The following SCN1A variants were observed in gnomAD, a reference collection of about 807,000 sequenced individuals.
SCN1A encodes sodium channel protein type 1 subunit alpha.
Under a neutral mutation model 193.7 loss-of-function variants are expected in SCN1A, and 13 were observed. That is an observed-to-expected ratio of 0.07 (90% CI 0.04 to 0.11). SCN1A has a LOEUF of 0.11. SCN1A is among the 10% of genes least tolerant of loss of function. SCN1A has a pLI of 1.00. For missense variants in SCN1A, 1,432 were observed against 2,451.1 expected (o/e 0.58, Z 8.78); for synonymous variants, 781 against 843.6 (o/e 0.93, Z 1.29).
intron 2 of SCN1A, among the ~76,000 whole-genome samples, chr2:166,117,150 A>G (rs1437235827): frequency 6.6e-6 from 1 of 152,214 alleles, no homozygotes; most frequent in Non-Finnish European, 1.5e-5. Flanking sequence ...TGTCTTTTCA[A>G]TATCTGTTTG....
chr2:166,028,250 A>C (rs887629280), intron 19 of SCN1A, among the ~76,000 whole-genome samples: 20 of 152,204 alleles, frequency 1.3e-4, no homozygotes, highest in African/African-American at 4.8e-4. Flanking sequence ...GTAATACAAA[A>C]AAATTGGAAA....
chr2:166,037,655 C>CTTTT, intron 18 of SCN1A, 121 bp downstream of exon 18: 1 of 860,826 alleles, frequency 1.2e-6, no homozygotes, highest in South Asian at 1.6e-5. Context: ...AAATTATACT[C>CTTTT]TTTTTTTTTA....
At position 166,045,176 on chromosome 2, in the gene SCN1A, G is replaced by T. The variant is rs1225688046; in HGVS notation, c.1529C>A (p.Ser510Tyr). Residue 510 changes from serine (S) to tyrosine (Y), a missense_variant, in exon 13 of 29, where the codon TCT becomes TAT. Ser to Tyr is a moderately radical substitution (Grantham distance 144). Transcript: ENST00000674923. ...ATCCTCATCTTTCTCTTCCCCACCA[G>T]ACTGCTCTTTCTGTTTTCTTTTCTT... ...RRKKRKQKEQ[S>Y]GGEEKDEDEF... The T allele has an allele frequency of 6.2e-7, 1 of 1,614,036 alleles. No homozygotes were observed. The highest frequency in any genetic ancestry group is 1.1e-5 in the South Asian group (1 of 91,078).
rs957565748 is a variant in SCN1A at position 166,120,034 on chromosome 2, G to T, written c.-142+6890C>A. 4.0e-5 allele frequency among the ~76,000 whole-genome samples: 6 copies of T among 151,696 alleles called. No individual in the cohort carries two copies. In the South Asian group the frequency reaches 1.3e-3, roughly 32 times the overall value. On this transcript the variant is annotated intron_variant, in intron 2 of 28. Coordinates refer to ENST00000674923, the MANE Select transcript of SCN1A (RefSeq NM_001165963.4). ...ATAAATTATTAACAATAATAATTTT[G>T]TTGTGTAAAATTGTGAGTTATTTCA...
In SCN1A at chr2:166,101,227, G is replaced by A. The variant is rs1442437331; in HGVS notation, c.-141-23426C>T. ...CTTTGTAGGGACATGGATGCAATTG[G>A]AAATCATCATTCTCTGTAAACTATC... is the stretch of plus-strand genomic sequence containing the variant. On this transcript the variant is annotated intron_variant, in intron 2 of 28. Transcript: ENST00000674923. Among the ~76,000 whole-genome samples, 5 of 151,736 alleles carry A rather than the reference G, an allele frequency of 3.3e-5. No individual in the cohort carries two copies. The East Asian group carries it at 9.8e-4, about 30-fold the overall frequency.
chr2:166,111,803 A>G (rs1427757136), intron 2 of SCN1A, among the ~76,000 whole-genome samples: 1 of 152,148 alleles, frequency 6.6e-6, no homozygotes, highest in Non-Finnish European at 1.5e-5. Flanking sequence ...ACTTTCATGG[A>G]TGACTTTGAG....
chr2:166,015,546 A>T, intron 20 of SCN1A, 61 bp downstream of exon 20: 1 of 1,589,046 alleles, frequency 6.3e-7, no homozygotes, highest in Non-Finnish European at 8.6e-7. Context: ...ATTTTAGCTG[A>T]CCAACAGCTA....
rs554678243 is a variant in SCN1A at position 166,024,183 on chromosome 2, G to A, written c.3430-8456C>T. Among the ~76,000 whole-genome samples, 13 of 152,116 alleles carry A rather than the reference G, an allele frequency of 8.5e-5. No individual in the cohort carries two copies. In the East Asian group the frequency reaches 9.7e-4, roughly 11 times the overall value. On this transcript the variant is annotated intron_variant, in intron 19 of 28. Transcript: ENST00000674923. ...TGAGGCTGCAGTGAGCTGTGGTTGC[G>A]CCACTGCACTCTGGCGTGGATGACC...
At chr2:166,072,055 A>G (rs1347892888) in intron 4 of SCN1A, among the ~76,000 whole-genome samples, 2 of 152,190 alleles carry the variant, frequency 1.3e-5, no homozygotes, top group East Asian at 1.9e-4. Context: ...TCAAATTCAC[A>G]TATTACAAAT....
At chr2:166,110,828 GTCC>G (rs1689217962) in intron 2 of SCN1A, among the ~76,000 whole-genome samples, 3 of 152,164 alleles carry the variant, frequency 2.0e-5, no homozygotes, top group Non-Finnish European at 2.9e-5. Flanking sequence ...ATGGGGGCAG[GTCC>G]TTCTCATGCT....
chr2:166,066,537 T>C (rs1683859530), intron 4 of SCN1A, among the ~76,000 whole-genome samples: 1 of 152,170 alleles, frequency 6.6e-6, no homozygotes, highest in Non-Finnish European at 1.5e-5. Flanking sequence ...TTAAAATGCG[T>C]CTCTGTATTC....
intron 2 of SCN1A, among the ~76,000 whole-genome samples, chr2:166,120,591 T>C (rs1476459302): frequency 1.5e-5 from 2 of 136,092 alleles, no homozygotes; most frequent in African/African-American, 5.4e-5. Context: ...TCTTTTTTCT[T>C]TTCTCTTTTT....
chr2:166,124,131 C>CAACT, intron 2 of SCN1A, among the ~76,000 whole-genome samples: 1 of 152,092 alleles, frequency 6.6e-6, no homozygotes, highest in Non-Finnish European at 1.5e-5. Context: ...GCCTACTGTC[C>CAACT]AACTCTATCA....
intron 19 of SCN1A, among the ~76,000 whole-genome samples, chr2:166,016,811 A>T (rs1212289601): frequency 6.6e-6 from 1 of 151,912 alleles, no homozygotes; most frequent in African/African-American, 2.4e-5. Context: ...TGTAGACCCG[A>T]CAATAGGCAT....
rs368018118 is a variant in SCN1A at position 166,026,927 on chromosome 2, C to T, written c.3429+9121G>A. ...CTCGATCTCCTGACCTCGTGATTCG[C>T]CCGCCTCGGCCTCCCGGAATATTTC... On this transcript the variant is annotated intron_variant, in intron 19 of 28. Coordinates refer to ENST00000674923, the MANE Select transcript of SCN1A (RefSeq NM_001165963.4). Among the ~76,000 whole-genome samples the T allele has an allele frequency of 1.1e-4, 16 of 151,996 alleles. No individual in the cohort carries two copies. The South Asian group carries it at 3.3e-3, about 32-fold the overall frequency.
intron 1 of SCN1A, among the ~76,000 whole-genome samples, chr2:166,136,624 C>T (rs1035046098): frequency 6.6e-6 from 1 of 152,124 alleles, no homozygotes; most frequent in African/African-American, 2.4e-5. Context: ...ACCTCAGATG[C>T]AGTCATGGTC....
Position 165,998,168 on chromosome 2 carries a change from A to C in SCN1A, c.4346T>G (p.Leu1449Arg). 6.2e-7 allele frequency: 1 copy of C among 1,604,164 alleles called. No individual in the cohort carries two copies. The highest frequency in any genetic ancestry group is 8.5e-7 in the Non-Finnish European group (1 of 1,173,250). Residue 1449 changes from leucine to arginine, a missense_variant, in exon 26 of 29, where the codon CTC becomes CGC. Transcript: ENST00000674923. ...YAAVDSRNVE[L>R]QPKYEESLYM... The stretch of plus-strand genomic sequence containing the variant: ...CAGACTTTCTTCATACTTAGGCTGG[A>C]GTTCCACCTACCAAAGGGGAATATT...
chr2:166,036,152 G>T lies in SCN1A; in HGVS notation c.3325C>A (p.Pro1109Thr), dbSNP rs753452775. Residue 1109 changes from proline (P) to threonine (T), a missense_variant, in exon 19 of 29, where the codon CCC becomes ACC. Coordinates refer to ENST00000674923, the MANE Select transcript of SCN1A (RefSeq NM_001165963.4). The part of the protein sequence containing the change: ...ESDYMSFINN[P>T]SLTVTVPIAV... ...ATTGGTACAGTCACAGTAAGACTGG[G>T]GTTGTTTATGAATGACATGTAATCA... 46 of 1,613,826 alleles carry T rather than the reference G, an allele frequency of 2.9e-5. No homozygotes were observed. Among genetic ancestry groups the T allele is most frequent in the Non-Finnish European group, 3.8e-5 (45 of 1,179,922 alleles).
chr2:166,051,702 A>G lies in SCN1A; in HGVS notation c.964+17T>C, dbSNP rs747667743. The G allele has an allele frequency of 3.8e-6, 6 of 1,574,332 alleles. No homozygotes were observed. In the African/African-American group the frequency reaches 4.1e-5, roughly 11 times the overall value. On this transcript the variant is annotated intron_variant, in intron 9 of 28. Transcript: ENST00000674923. ...AATTCTACTTTTTAAGGAAATGTAC[A>G]TAACAATAATTCTTACTTGAATCTT...
Sources: gnomAD v4.1 joint callset for allele counts (sites outside exome capture counted in the v4.1 genomes callset) on GRCh38, gnomAD v4.1.1 for gene constraint, MANE v1.5 for transcripts, NCBI Gene and HGNC (gene_info 2026-07-23, HGNC 2026-07-21) for gene names.